The following MYCBP2 variants were observed in gnomAD, a reference collection of about 807,000 sequenced individuals.
The protein encoded by MYCBP2 is E3 ubiquitin-protein ligase MYCBP2.
In MYCBP2, 120 loss-of-function variants were observed where a neutral mutation model predicts 525.3. The ratio of observed to expected loss-of-function variants is 0.23; its 90% CI spans 0.20 to 0.27. The LOEUF is 0.27. MYCBP2 is among the 10% of genes least tolerant of loss of function. The pLI is 1.00. For synonymous variants in MYCBP2, 1,894 were observed against 1,955.8 expected (o/e 0.97, Z 0.83); for missense variants, 4,149 against 5,657.1 (o/e 0.73, Z 8.55).
intron 55 of MYCBP2, among the ~76,000 whole-genome samples, chr13:77,102,143 C>T (rs2047163494): frequency 1.3e-5 from 2 of 151,642 alleles, no homozygotes; most frequent in Non-Finnish European, 2.9e-5. Context: ...TTTTTTCATG[C>T]CCAAATCTTA....
At chr13:77,257,270 A>G (rs748739468) in intron 14 of MYCBP2, among the ~76,000 whole-genome samples, 1 of 152,092 alleles carries the variant, frequency 6.6e-6, no homozygotes, top group Admixed American at 6.5e-5. Context: ...GGGAAATGGG[A>G]TGGTTAGTTG....
chr13:77,087,733 A>G, intron 61 of MYCBP2, 100 bp from the exon 62 acceptor site: 1 of 997,898 alleles, frequency 1.0e-6, no homozygotes, highest in Non-Finnish European at 1.4e-6. Context: ...TCAAAGAAAG[A>G]TACTAGAAAA....
chr13:77,298,278 C>T (rs192152030), intron 1 of MYCBP2, among the ~76,000 whole-genome samples: 2 of 152,212 alleles, frequency 1.3e-5, no homozygotes, highest in South Asian at 2.1e-4. Context: ...TACTTATCTT[C>T]GAGGTCTCAG....
intron 26 of MYCBP2, among the ~76,000 whole-genome samples, chr13:77,202,452 T>A (rs1413100678): frequency 6.6e-6 from 1 of 152,164 alleles, no homozygotes; most frequent in Non-Finnish European, 1.5e-5. Context: ...CACAGCCGAA[T>A]TCTACCAGAG....
intron 37 of MYCBP2, among the ~76,000 whole-genome samples, chr13:77,173,120 G>A (rs980919632): frequency 6.6e-6 from 1 of 152,118 alleles, no homozygotes; most frequent in African/African-American, 2.4e-5. Flanking sequence ...TGAAGGCTAG[G>A]GATGTAAACT....
chr13:77,240,962 C>A (rs929311569), intron 17 of MYCBP2, among the ~76,000 whole-genome samples: 7 of 152,154 alleles, frequency 4.6e-5, no homozygotes, highest in Non-Finnish European at 7.4e-5. Flanking sequence ...ATAATCTGAA[C>A]AAAGTGTTTC....
At chr13:77,278,286 T>C (rs1001448487) in intron 4 of MYCBP2, among the ~76,000 whole-genome samples, 11 of 152,240 alleles carry the variant, frequency 7.2e-5, no homozygotes, top group African/African-American at 2.7e-4. Context: ...TTTCAGTTAA[T>C]AGTGACCTTA....
chr13:77,082,283 T>C (rs761304129), intron 63 of MYCBP2: 29 of 266,626 alleles, frequency 1.1e-4, no homozygotes, highest in Middle Eastern at 1.2e-3. Context: ...AATGAATCTA[T>C]TGTGTAAACA....
intron 2 of MYCBP2, among the ~76,000 whole-genome samples, chr13:77,294,199 G>A (rs1486078937): frequency 7.4e-6 from 1 of 134,886 alleles, no homozygotes; most frequent in Non-Finnish European, 1.6e-5. Flanking sequence ...CCAGCTAAAT[G>A]GCATTTTAAA....
intron 30 of MYCBP2, among the ~76,000 whole-genome samples, chr13:77,188,440 A>C (rs1232576161): frequency 6.6e-6 from 1 of 152,320 alleles, no homozygotes; most frequent in South Asian, 2.1e-4. Context: ...TGAGAGATCA[A>C]GACCTTAATT....
intron 1 of MYCBP2, among the ~76,000 whole-genome samples, chr13:77,299,051 G>C (rs1316126497): frequency 6.6e-6 from 1 of 152,146 alleles, no homozygotes; most frequent in African/African-American, 2.4e-5. Context: ...GATTACCTGA[G>C]TGAAATCAGG....
intron 1 of MYCBP2, among the ~76,000 whole-genome samples, chr13:77,304,290 T>C (rs1388073512): frequency 1.3e-5 from 2 of 152,162 alleles, no homozygotes; most frequent in Admixed American, 6.5e-5. Flanking sequence ...AAATACCATT[T>C]AGTGATTAAA....
chr13:77,158,162 C>T (rs1404880476), intron 44 of MYCBP2, 53 bp from the exon 45 acceptor site: 1 of 1,255,276 alleles, frequency 8.0e-7, no homozygotes, highest in Non-Finnish European at 1.1e-6. Flanking sequence ...ACTTTAATTA[C>T]ATAAAATTTT....
chr13:77,062,724 A>G (rs989038254), intron 73 of MYCBP2, 27 bp from the exon 74 acceptor site: 6 of 1,581,776 alleles, frequency 3.8e-6, no homozygotes, highest in Non-Finnish European at 5.2e-6. Flanking sequence ...CTGTTACACC[A>G]CTGAATTTTT....
chr13:77,055,718 T>A lies in MYCBP2; in HGVS notation c.13487A>T (p.Glu4496Val). 1 of 1,613,950 alleles carries A rather than the reference T, an allele frequency of 6.2e-7. No homozygotes were observed. Among genetic ancestry groups the A allele is most frequent in the Admixed American group, 1.7e-5 (1 of 60,028 alleles). Residue 4496 changes from glutamate (E) to valine (V), a missense_variant, in exon 80 of 83, where the codon GAA becomes GTA. Transcript: ENST00000544440. ...VLKDLLDPIK[E>V]LYEDVRRKAL... Reference sequence around the variant, plus strand: ...TTTTCTTCTGACATCCTCATAGAGTTCTTTTATTGGATCAAGTAGGTCTTT... The same window carrying A: ...TTTTCTTCTGACATCCTCATAGAGTACTTTTATTGGATCAAGTAGGTCTTT...
chr13:77,294,097 ATAATGGCT>A (rs1397913486), intron 2 of MYCBP2, among the ~76,000 whole-genome samples: 1 of 13,554 alleles, frequency 7.4e-5, no homozygotes, highest in Non-Finnish European at 2.9e-4. Context: ...TAAAGTAGAT[ATAATGGCT>A]ATATATATAT....
chr13:77,240,424 A>G lies in MYCBP2; in HGVS notation c.2629+2635T>C, dbSNP rs145990671. 8.7e-3 allele frequency among the ~76,000 whole-genome samples: 1,320 copies of G among 152,278 alleles called. 20 individuals are homozygous for G. The highest frequency in any genetic ancestry group is 0.03 in the African/African-American group (1,229 of 41,548). ...GGAGTTTGAAACCAGCCTGGCCAAC[A>G]TGGTGAAACCTCGCCTCTACTAAAA... On this transcript the variant is annotated intron_variant, in intron 17 of 82. Transcript: ENST00000544440.
At chr13:77,266,664 A>T (rs991916618) in intron 8 of MYCBP2, among the ~76,000 whole-genome samples, 1 of 148,400 alleles carries the variant, frequency 6.7e-6, no homozygotes, top group African/African-American at 2.5e-5. Context: ...GGGAGTGTGC[A>T]TGTTATTAAA....
chr13:77,289,093 C>T (rs1399771585), intron 2 of MYCBP2, among the ~76,000 whole-genome samples: 1 of 151,528 alleles, frequency 6.6e-6, no homozygotes, highest in East Asian at 1.9e-4. Context: ...ATTCAACTTC[C>T]AATAATTAGA....
Sources: gnomAD v4.1 joint callset for allele counts (sites outside exome capture counted in the v4.1 genomes callset) on GRCh38, gnomAD v4.1.1 for gene constraint, MANE v1.5 for transcripts, NCBI Gene and HGNC (gene_info 2026-07-23, HGNC 2026-07-21) for gene names.